NRG1: variants seen among roughly 807,000 people sequenced by gnomAD.
NRG1 encodes neuregulin 1.
NRG1 carries 18 observed loss-of-function variants against 63.8 expected under a neutral mutation model. The observed-to-expected ratio is 0.28, with a 90% CI of 0.19 to 0.42. NRG1 has a LOEUF of 0.42. Among genes scored for constraint, NRG1 ranks in the 10% least tolerant of loss-of-function variants. NRG1 has a pLI of 1.00. For synonymous variants in NRG1, 302 were observed against 301.3 expected (o/e 1.00, Z -0.02); for missense variants, 762 against 814.7 (o/e 0.94, Z 0.79).
At chr8:31,766,549 C>T (rs1302361526) in intron 1 of NRG1, among the ~76,000 whole-genome samples, 5 of 152,124 alleles carry the variant, frequency 3.3e-5, no homozygotes, top group Non-Finnish European at 2.9e-5. Flanking sequence ...GAGTCAATTT[C>T]TGAAAAATAG....
chr8:31,648,770 A>T (rs1804553823), intron 1 of NRG1, among the ~76,000 whole-genome samples: 1 of 152,158 alleles, frequency 6.6e-6, no homozygotes, highest in Non-Finnish European at 1.5e-5. Context: ...TTTCCATTGT[A>T]TGTAAATAAC....
At chr8:32,089,755 G>C (rs1828822546) in intron 1 of NRG1, among the ~76,000 whole-genome samples, 1 of 152,132 alleles carries the variant, frequency 6.6e-6, no homozygotes, top group Non-Finnish European at 1.5e-5. Context: ...GGTTATAGGT[G>C]GGAGGAGCCT....
chr8:32,158,448 G>GATAGATATATATATATATATATAT lies in NRG1; in HGVS notation c.38-437377_38-437376insGATATATATATATATATATATATA, dbSNP rs1491221971. Among the ~76,000 whole-genome samples the GATAGATATATATATATATATATAT allele has an allele frequency of 1.9e-3, 116 of 62,174 alleles. 1 individual carries two copies. Among genetic ancestry groups the GATAGATATATATATATATATATAT allele is most frequent in the Non-Finnish European group, 3.8e-3 (96 of 25,514 alleles). The allele number at this position is 62,174 out of a possible 152,430, so 40.8% of individuals were successfully genotyped here. ...TCGTTTCTCTTTGTTTGGTTTACAT[G>GATAGATATATATATATATATATAT]ATATATATATATATATATATATATC... On this transcript the variant is annotated intron_variant, in intron 1 of 10. Transcript: ENST00000519301.
At chr8:32,662,649 G>A (rs1242500152) in intron 5 of NRG1, among the ~76,000 whole-genome samples, 1 of 152,142 alleles carries the variant, frequency 6.6e-6, no homozygotes, top group East Asian at 1.9e-4. Context: ...TTGTAGGAGG[G>A]AATGTAAAGA....
At chr8:31,921,686 T>G (rs1425730889) in intron 1 of NRG1, among the ~76,000 whole-genome samples, 1 of 152,160 alleles carries the variant, frequency 6.6e-6, no homozygotes, top group South Asian at 2.1e-4. Flanking sequence ...TGGTCATTAG[T>G]TCATTTTGCA....
chr8:32,118,326 G>C (rs1357553136), intron 1 of NRG1, among the ~76,000 whole-genome samples: 2 of 151,888 alleles, frequency 1.3e-5, no homozygotes, highest in African/African-American at 4.8e-5. Flanking sequence ...CCGCAGAGCT[G>C]GTTGTTAAAA....
At chr8:32,024,531 C>T (rs1331088681) in intron 1 of NRG1, among the ~76,000 whole-genome samples, 2 of 152,124 alleles carry the variant, frequency 1.3e-5, no homozygotes, top group Non-Finnish European at 2.9e-5. Flanking sequence ...TGGAAGATGG[C>T]TGGGAAATAG....
intron 1 of NRG1, among the ~76,000 whole-genome samples, chr8:31,658,874 G>A (rs1444188603): frequency 6.6e-6 from 1 of 152,172 alleles, no homozygotes; most frequent in Non-Finnish European, 1.5e-5. Flanking sequence ...GAATGAAGAT[G>A]AATCTTGACT....
At chr8:31,990,746 T>C (rs558121956) in intron 1 of NRG1, among the ~76,000 whole-genome samples, 9 of 152,242 alleles carry the variant, frequency 5.9e-5, no homozygotes, top group African/African-American at 2.2e-4. Flanking sequence ...TGATCCCAGA[T>C]TGGACAAGGT....
intron 1 of NRG1, among the ~76,000 whole-genome samples, chr8:32,400,442 A>G (rs1283665211): frequency 2.0e-5 from 3 of 152,246 alleles, no homozygotes; most frequent in African/African-American, 7.2e-5. Context: ...GCACTTAAAC[A>G]GATTCACAAG....
chr8:32,764,460 C>T (rs538926015), exon 12 of NRG1: 1 of 1,341,848 alleles, frequency 7.5e-7, no homozygotes, highest in East Asian at 2.6e-5. Context: ...ATAAAGTATT[C>T]CACCTTAAAT....
chr8:32,027,414 C>CTCCTTCCTTCCTTCCTTCCT (rs774505431), intron 1 of NRG1, among the ~76,000 whole-genome samples: 5 of 114,078 alleles, frequency 4.4e-5, no homozygotes, highest in African/African-American at 2.1e-4. Context: ...CCTTCCTTCC[C>CTCCTTCCTTCCTTCCTTCCT]TCCTTCCTTC....
At chr8:31,893,327 CA>C (rs142035931) in intron 1 of NRG1, among the ~76,000 whole-genome samples, 2,404 of 151,156 alleles carry the variant, frequency 0.016, 71 homozygotes, top group African/African-American at 0.054. Context: ...TAAGTGGGAA[CA>C]AAAAGATATC....
At chr8:31,927,847 C>G (rs977341371) in intron 1 of NRG1, among the ~76,000 whole-genome samples, 7 of 150,264 alleles carry the variant, frequency 4.7e-5, no homozygotes, top group Non-Finnish European at 7.4e-5. Flanking sequence ...TTGAGTATTT[C>G]TTTTTTTAAA....
chr8:32,680,231 A>G (rs969997857), intron 5 of NRG1, among the ~76,000 whole-genome samples: 2 of 152,148 alleles, frequency 1.3e-5, no homozygotes, highest in Admixed American at 1.3e-4. Flanking sequence ...TGGAATGGAA[A>G]ATAATAATTT....
At chr8:32,506,772 T>C (rs1694851904) in intron 1 of NRG1, among the ~76,000 whole-genome samples, 1 of 151,986 alleles carries the variant, frequency 6.6e-6, no homozygotes, top group Non-Finnish European at 1.5e-5. Context: ...CCCAGCACTT[T>C]GGGAGGCTGA....
intron 1 of NRG1, among the ~76,000 whole-genome samples, chr8:32,493,793 A>G (rs763738552): frequency 1.3e-5 from 2 of 152,178 alleles, no homozygotes; most frequent in Non-Finnish European, 2.9e-5. Context: ...CTTGAAAGAT[A>G]ATGAGTTCCC....
intron 1 of NRG1, among the ~76,000 whole-genome samples, chr8:32,183,589 C>T (rs1408808954): frequency 6.6e-6 from 1 of 152,186 alleles, no homozygotes; most frequent in African/African-American, 2.4e-5. Flanking sequence ...ACTAAATTTT[C>T]TGATTTAACA....
intron 1 of NRG1, among the ~76,000 whole-genome samples, chr8:32,117,101 C>T (rs1025262053): frequency 1.3e-5 from 2 of 151,874 alleles, no homozygotes; most frequent in African/African-American, 4.8e-5. Context: ...ATGATGATGC[C>T]ATTGCACTCC....
Sources: gnomAD v4.1 joint callset for allele counts (sites outside exome capture counted in the v4.1 genomes callset) on GRCh38, gnomAD v4.1.1 for gene constraint, MANE v1.5 for transcripts, NCBI Gene and HGNC (gene_info 2026-07-23, HGNC 2026-07-21) for gene names.